The following FBP1 variants were observed in gnomAD, a reference collection of about 807,000 sequenced individuals.
FBP1 encodes the protein fructose-bisphosphatase 1.
A neutral mutation model predicts 29.9 loss-of-function variants in FBP1; 22 were observed. That is an observed-to-expected ratio of 0.74 (90% CI 0.53 to 1.05). The LOEUF is 1.05. Among genes scored for constraint, FBP1 ranks in the 50% least tolerant of loss-of-function variants. The pLI is 0.00. For missense variants in FBP1, 345 were observed against 448.2 expected (o/e 0.77, Z 2.08); for synonymous variants, 175 against 178.6 (o/e 0.98, Z 0.16).
At chr9:94,636,662 T>G (rs566893665) in intron 1 of FBP1, among the ~76,000 whole-genome samples, 1 of 151,914 alleles carries the variant, frequency 6.6e-6, no homozygotes, top group Non-Finnish European at 1.5e-5. Context: ...ACTGACACAT[T>G]TTTTAAACAA....
chr9:94,630,964 G>C (rs772943097), intron 1 of FBP1, among the ~76,000 whole-genome samples: 1 of 152,164 alleles, frequency 6.6e-6, no homozygotes, highest in African/African-American at 2.4e-5. Context: ...GGGATTGGGG[G>C]AAGGGGAGGT....
At chr9:94,610,387 T>C (rs1344870897) in intron 3 of FBP1, among the ~76,000 whole-genome samples, 4 of 152,252 alleles carry the variant, frequency 2.6e-5, no homozygotes, top group Non-Finnish European at 5.9e-5. Context: ...TTTAATCTTA[T>C]TACGGGCATC....
At chr9:94,630,802 T>C (rs1428659155) in intron 1 of FBP1, among the ~76,000 whole-genome samples, 1 of 151,280 alleles carries the variant, frequency 6.6e-6, no homozygotes, top group African/African-American at 2.4e-5. Context: ...GACATCAAGT[T>C]GTGCAAAGCC....
intron 3 of FBP1, among the ~76,000 whole-genome samples, chr9:94,617,076 G>T (rs1827875100): frequency 6.6e-6 from 1 of 152,120 alleles, no homozygotes; most frequent in African/African-American, 2.4e-5. Flanking sequence ...TCAGTAAACT[G>T]TTTCTACAGA....
At chr9:94,603,609 A>C in intron 6 of FBP1, 37 bp from the exon 7 acceptor site, 1 of 1,592,566 alleles carries the variant, frequency 6.3e-7, no homozygotes, top group African/African-American at 1.3e-5. Flanking sequence ...TCCTTGTATC[A>C]GAAGGTATTG....
chr9:94,628,287 G>A (rs534291076), intron 1 of FBP1, among the ~76,000 whole-genome samples: 26 of 151,352 alleles, frequency 1.7e-4, no homozygotes, highest in African/African-American at 4.8e-4. Flanking sequence ...TTGGAAGGCC[G>A]AGGCACAAGA....
intron 1 of FBP1, 66 bp downstream of exon 1, chr9:94,639,075 A>G (rs899654333): frequency 6.6e-7 from 1 of 1,506,984 alleles, no homozygotes; most frequent in Non-Finnish European, 9.0e-7. Context: ...GCCCAACGTC[A>G]GCCCGCCGGG....
At chr9:94,615,955 G>A (rs982131295) in intron 3 of FBP1, among the ~76,000 whole-genome samples, 1 of 151,864 alleles carries the variant, frequency 6.6e-6, no homozygotes, top group Non-Finnish European at 1.5e-5. Context: ...AGCCTCCTGA[G>A]TACCTGGGAC....
chr9:94,637,127 T>C (rs1257218609), intron 1 of FBP1, among the ~76,000 whole-genome samples: 2 of 152,222 alleles, frequency 1.3e-5, no homozygotes, highest in African/African-American at 4.8e-5. Flanking sequence ...GAATGTATTA[T>C]TAAGAGGGGC....
intron 1 of FBP1, among the ~76,000 whole-genome samples, chr9:94,623,830 G>A (rs192566106): frequency 1.1e-3 from 160 of 152,328 alleles, no homozygotes; most frequent in South Asian, 7.0e-3. Context: ...CTTGTGGAGC[G>A]TATATTCTAC....
chr9:94,610,821 G>A (rs963974483), intron 3 of FBP1, among the ~76,000 whole-genome samples: 1 of 152,080 alleles, frequency 6.6e-6, no homozygotes, highest in African/African-American at 2.4e-5. Flanking sequence ...GCCCCTTAAG[G>A]AGACAGCTCC....
At chr9:94,624,776 A>G (rs886642635) in intron 1 of FBP1, among the ~76,000 whole-genome samples, 3 of 152,242 alleles carry the variant, frequency 2.0e-5, no homozygotes, top group African/African-American at 7.2e-5. Flanking sequence ...AGGAAACAGT[A>G]AGTACATTTT....
At chr9:94,612,596 C>A in intron 3 of FBP1, among the ~76,000 whole-genome samples, 1 of 123,600 alleles carries the variant, frequency 8.1e-6, no homozygotes. Flanking sequence ...CTTGCTCTAT[C>A]GCCAGGCTGG....
intron 3 of FBP1, among the ~76,000 whole-genome samples, chr9:94,617,401 A>C (rs1309418829): frequency 6.6e-6 from 1 of 152,226 alleles, no homozygotes; most frequent in African/African-American, 2.4e-5. Context: ...CTTAAAGGAC[A>C]GTTTTGACAT....
chr9:94,607,072 T>C (rs1236855063), intron 4 of FBP1, 120 bp from the exon 5 acceptor site: 12 of 1,355,338 alleles, frequency 8.9e-6, no homozygotes, highest in Non-Finnish European at 1.2e-5. Flanking sequence ...CGGGCACCAC[T>C]CATCTTGGGG....
chr9:94,614,382 T>C (rs1420272518), intron 3 of FBP1, among the ~76,000 whole-genome samples: 1 of 149,500 alleles, frequency 6.7e-6, no homozygotes, highest in Non-Finnish European at 1.5e-5. Flanking sequence ...CTACTAAAAA[T>C]ACAAAAAATT....
chr9:94,611,982 T>C (rs944914289), intron 3 of FBP1, among the ~76,000 whole-genome samples: 1 of 152,202 alleles, frequency 6.6e-6, no homozygotes, highest in African/African-American at 2.4e-5. Flanking sequence ...CTGCCCCTCC[T>C]AGTTTTCACC....
intron 3 of FBP1, among the ~76,000 whole-genome samples, chr9:94,617,512 A>G (rs1827881543): frequency 6.6e-6 from 1 of 152,190 alleles, no homozygotes. Context: ...TTTCTATCAT[A>G]AAAAGTAAGA....
At chr9:94,622,487 G>T (rs138941527) in intron 1 of FBP1, among the ~76,000 whole-genome samples, 2 of 152,202 alleles carry the variant, frequency 1.3e-5, no homozygotes, top group African/African-American at 4.8e-5. Context: ...AACATAACTC[G>T]CTGTGACTGG....
Sources: gnomAD v4.1 joint callset for allele counts (sites outside exome capture counted in the v4.1 genomes callset) on GRCh38, gnomAD v4.1.1 for gene constraint, MANE v1.5 for transcripts, NCBI Gene and HGNC (gene_info 2026-07-23, HGNC 2026-07-21) for gene names.